The following MIB1 variants were observed in gnomAD, a reference collection of about 807,000 sequenced individuals.
The protein encoded by MIB1 is E3 ubiquitin-protein ligase MIB1.
Under a neutral mutation model 124.5 loss-of-function variants are expected in MIB1, and 278 were observed. The ratio of observed to expected loss-of-function variants is 2.23; its 90% confidence interval spans 2.02 to 2.47. The LOEUF is 2.47. Ranked by LOEUF, MIB1 falls within the 30% of genes most tolerant of loss-of-function variation. MIB1 has a pLI of 0.00. For missense variants in MIB1, 957 were observed against 1,254.4 expected (o/e 0.76, Z 3.58); for synonymous variants, 446 against 429.4 (o/e 1.04, Z -0.48).
chr18:21,707,616 C>G (rs968065213), intron 1 of MIB1, among the ~76,000 whole-genome samples: 14 of 152,258 alleles, frequency 9.2e-5, no homozygotes, highest in South Asian at 2.1e-4. Flanking sequence ...GGAAGAAACT[C>G]CAAACACATC....
intron 1 of MIB1, among the ~76,000 whole-genome samples, chr18:21,754,247 A>G (rs1598593082): frequency 6.6e-6 from 1 of 152,256 alleles, no homozygotes; most frequent in African/African-American, 2.4e-5. Flanking sequence ...GTTTGCATAC[A>G]GTAGTCCCCC....
At chr18:21,721,470 C>T (rs934652210) in intron 1 of MIB1, among the ~76,000 whole-genome samples, 43 of 151,844 alleles carry the variant, frequency 2.8e-4, no homozygotes, top group African/African-American at 9.4e-4. Context: ...CATGAGCCAC[C>T]GTGCCCAGCC....
intron 20 of MIB1, among the ~76,000 whole-genome samples, chr18:21,859,487 G>A (rs1234665187): frequency 2.6e-5 from 4 of 152,020 alleles, no homozygotes. Context: ...GAGTCTGGAT[G>A]CTCTGTTTCT....
chr18:21,798,947 C>T (rs1971448176), intron 8 of MIB1, among the ~76,000 whole-genome samples: 5 of 152,110 alleles, frequency 3.3e-5, no homozygotes, highest in Admixed American at 3.3e-4. Context: ...CTGCTTTCTG[C>T]TTCCTCTGCC....
chr18:21,811,473 C>A (rs1172693365), intron 10 of MIB1, among the ~76,000 whole-genome samples: 1 of 152,094 alleles, frequency 6.6e-6, no homozygotes, highest in Non-Finnish European at 1.5e-5. Context: ...GCCCAGGTAT[C>A]CATTGACAGA....
intron 1 of MIB1, among the ~76,000 whole-genome samples, chr18:21,718,336 C>T (rs577043372): frequency 1.3e-5 from 2 of 152,098 alleles, no homozygotes; most frequent in South Asian, 4.2e-4. Flanking sequence ...CAAATCACCC[C>T]TAAAGAACTT....
intron 1 of MIB1, among the ~76,000 whole-genome samples, chr18:21,717,214 C>T (rs1787537583): frequency 6.6e-6 from 1 of 151,990 alleles, no homozygotes; most frequent in Non-Finnish European, 1.5e-5. Context: ...GAAACTGGAC[C>T]CTCATCTCTC....
chr18:21,842,395 T>C (rs1400357430), intron 13 of MIB1, among the ~76,000 whole-genome samples: 2 of 152,198 alleles, frequency 1.3e-5, no homozygotes, highest in Non-Finnish European at 2.9e-5. Flanking sequence ...CATTTTCATA[T>C]GTTATTTTAC....
At chr18:21,793,973 T>C (rs1459913524) in intron 7 of MIB1, 1 of 146,070 alleles carries the variant, frequency 6.8e-6, no homozygotes, top group South Asian at 2.2e-4. Context: ...GGGTGTAGTG[T>C]GGATGTCTGC....
At chr18:21,736,382 G>A (rs1195821135), upstream of MIB1, among the ~76,000 whole-genome samples, 1 of 152,164 alleles carries the variant, frequency 6.6e-6, no homozygotes, top group Non-Finnish European at 1.5e-5. Flanking sequence ...AAAGACGAAA[G>A]GTAGATAAAT....
At chr18:21,812,516 G>A (rs1413462181) in intron 10 of MIB1, 1 of 152,210 alleles carries the variant, frequency 6.6e-6, no homozygotes, top group East Asian at 1.9e-4. Flanking sequence ...AGTTGGAAAA[G>A]AGAATAGATA....
intron 1 of MIB1, among the ~76,000 whole-genome samples, chr18:21,727,222 G>A (rs1186519873): frequency 6.6e-6 from 1 of 151,374 alleles, no homozygotes; most frequent in Non-Finnish European, 1.5e-5. Context: ...TGATTCTCCT[G>A]CCTCAGCCTC....
intron 1 of MIB1, chr18:21,712,183 G>A (rs2040668758): frequency 6.5e-6 from 1 of 153,652 alleles, no homozygotes; most frequent in South Asian, 2.0e-4. Flanking sequence ...CAGCACAGTT[G>A]TCCTTTATAG....
chr18:21,836,803 T>A (rs1362428818), intron 12 of MIB1, among the ~76,000 whole-genome samples: 1 of 152,220 alleles, frequency 6.6e-6, no homozygotes, highest in African/African-American at 2.4e-5. Context: ...TGCTCAAATG[T>A]GTAGGGTAAG....
At chr18:21,819,326 A>G (rs2041858864) in intron 11 of MIB1, among the ~76,000 whole-genome samples, 169 bp from the exon 12 acceptor site, 1 of 152,266 alleles carries the variant, frequency 6.6e-6, no homozygotes, top group South Asian at 2.1e-4. Context: ...GACATGAGCC[A>G]GCATGCCCAG....
chr18:21,795,468 A>G (rs1438242134), intron 7 of MIB1, among the ~76,000 whole-genome samples: 1 of 149,552 alleles, frequency 6.7e-6, no homozygotes, highest in Non-Finnish European at 1.5e-5. Context: ...CAATGTAATG[A>G]TAAACTATGA....
chr18:21,800,771 T>C (rs927064991), intron 9 of MIB1, among the ~76,000 whole-genome samples: 1 of 152,238 alleles, frequency 6.6e-6, no homozygotes, highest in African/African-American at 2.4e-5. Flanking sequence ...GTCTTATTTC[T>C]CCTATAAGCT....
chr18:21,750,592 G>A (rs1279310330), intron 1 of MIB1, among the ~76,000 whole-genome samples: 2 of 151,852 alleles, frequency 1.3e-5, no homozygotes, highest in Non-Finnish European at 2.9e-5. Flanking sequence ...CTCCCAAAGT[G>A]CTGGGATTAC....
intron 10 of MIB1, among the ~76,000 whole-genome samples, chr18:21,805,158 G>T (rs930067630): frequency 2.0e-5 from 3 of 151,882 alleles, no homozygotes; most frequent in Non-Finnish European, 4.4e-5. Flanking sequence ...GATTATAGGC[G>T]CCTGCTACCA....
Sources: allele counts gnomAD v4.1 joint callset (sites outside exome capture counted in the v4.1 genomes callset), GRCh38; gene constraint gnomAD v4.1.1; transcripts MANE v1.5; gene names NCBI Gene and HGNC (gene_info 2026-07-23, HGNC 2026-07-21).